The following GABRA4 variants were observed in gnomAD, a reference collection of about 807,000 sequenced individuals.
GABRA4 encodes gamma-aminobutyric acid type A receptor subunit alpha4.
A neutral mutation model predicts 49.7 loss-of-function variants in GABRA4; 12 were observed. The ratio of observed to expected loss-of-function variants is 0.24; its 90% CI spans 0.15 to 0.39. The LOEUF is 0.39. GABRA4 is among the 10% of genes least tolerant of loss of function. The pLI is 1.00. For synonymous variants in GABRA4, 288 were observed against 240.2 expected, an observed-to-expected ratio of 1.20 and a Z score of -1.84; for missense variants, 506 against 686.0, an observed-to-expected ratio of 0.74 and a Z score of 2.93.
rs1052852422 is a variant in GABRA4 at position 46,927,991 on chromosome 4, G to A, written c.*234C>T. The A allele has an allele frequency of 1.0e-5, 4 of 389,274 alleles. No homozygotes were observed. Among genetic ancestry groups the A allele is most frequent in the Admixed American group, 4.2e-5 (1 of 23,762 alleles). The allele number at this position is 389,274 out of a possible 1,614,324, so 24.1% of individuals were successfully genotyped here. A position where few individuals can be genotyped will look rare whatever the true frequency, so the allele number is the denominator to read the frequency against. ...TTATCCCAACTTTCCAGGATGGTGT[G>A]TATTCTATCTAACTGAATGCTGAGT... On this transcript the variant is annotated 3_prime_UTR_variant, in exon 9 of 9. Coordinates refer to ENST00000264318, the MANE Select transcript of GABRA4 (RefSeq NM_000809.4).
intron 8 of GABRA4, among the ~76,000 whole-genome samples, chr4:46,960,421 T>C (rs1257326472): frequency 1.3e-5 from 2 of 151,798 alleles, no homozygotes; most frequent in African/African-American, 2.4e-5. Context: ...ATATTTTAAG[T>C]AAAATTGTTT....
intron 8 of GABRA4, among the ~76,000 whole-genome samples, chr4:46,931,106 T>C (rs67128139): frequency 0.24 from 36,901 of 151,796 alleles, 4,686 homozygotes; most frequent in East Asian, 0.29. Context: ...CCCCATTGAG[T>C]ATTTTACTAA....
chr4:46,976,985 A>G (rs1723159278), intron 5 of GABRA4, 76 bp downstream of exon 5: 5 of 836,100 alleles, frequency 6.0e-6, no homozygotes, highest in Non-Finnish European at 9.8e-6. Context: ...TGGATTATGA[A>G]AAATAAAATA....
At chr4:46,938,551 G>C (rs1006080820) in intron 8 of GABRA4, among the ~76,000 whole-genome samples, 1 of 152,082 alleles carries the variant, frequency 6.6e-6, no homozygotes, top group African/African-American at 2.4e-5. Flanking sequence ...GCTATGCAAG[G>C]TGAGGAAGTC....
chr4:46,988,668 T>C (rs1437114445), intron 2 of GABRA4, among the ~76,000 whole-genome samples: 15 of 152,214 alleles, frequency 9.9e-5, no homozygotes, highest in Non-Finnish European at 2.1e-4. Flanking sequence ...TTGTTAAAGC[T>C]TTAGAACAAA....
intron 8 of GABRA4, among the ~76,000 whole-genome samples, chr4:46,955,844 T>TA (rs1396216405): frequency 6.6e-6 from 1 of 152,104 alleles, no homozygotes; most frequent in East Asian, 1.9e-4. Context: ...TTTTATATAG[T>TA]AAATACAGCC....
intron 7 of GABRA4, among the ~76,000 whole-genome samples, chr4:46,965,634 G>A (rs1249219176): frequency 1.3e-5 from 2 of 151,712 alleles, no homozygotes; most frequent in Non-Finnish European, 2.9e-5. Context: ...CTCAGGAAGA[G>A]TAACTCACTG....
chr4:46,947,180 C>A (rs936279875), intron 8 of GABRA4, among the ~76,000 whole-genome samples: 3 of 151,914 alleles, frequency 2.0e-5, no homozygotes, highest in Admixed American at 2.0e-4. Flanking sequence ...CTTTATCTAG[C>A]TTTTTAAGAT....
chr4:46,931,298 T>G (rs921606188), intron 8 of GABRA4, among the ~76,000 whole-genome samples: 1 of 152,146 alleles, frequency 6.6e-6, no homozygotes. Context: ...AGTTCCTGTC[T>G]TAATAGTATA....
chr4:46,967,306 A>G (rs188201304), intron 7 of GABRA4, among the ~76,000 whole-genome samples: 46 of 151,602 alleles, frequency 3.0e-4, no homozygotes, highest in Non-Finnish European at 1.8e-4. Context: ...CAAAAAGGAT[A>G]CCCAAATTCA....
At chr4:46,952,411 TC>T in intron 8 of GABRA4, among the ~76,000 whole-genome samples, 1 of 152,228 alleles carries the variant, frequency 6.6e-6, no homozygotes, top group East Asian at 1.9e-4. Context: ...GTGAAAAGTG[TC>T]CTCTTTCTAA....
At position 46,924,345 on chromosome 4, in the gene GABRA4, T is replaced by C. The variant is rs1721135526; in HGVS notation, c.*3880A>G. ...ATTGAAGTTTTGATGTCCCCATATA[T>C]ATTTGTGCCTGAGATGAGTATCACT... On this transcript the variant is annotated 3_prime_UTR_variant, in exon 9 of 9. Coordinates refer to ENST00000264318, the MANE Select transcript of GABRA4 (RefSeq NM_000809.4). 6.6e-6 allele frequency: 1 copy of C among 152,170 alleles called. No individual in the cohort carries two copies. The highest frequency in any genetic ancestry group is 2.4e-5 in the African/African-American group (1 of 41,472). The allele number at this position is 152,170 out of a possible 1,614,324, so 9.4% of individuals were successfully genotyped here.
Position 46,941,567 on chromosome 4 carries a change from C to G in GABRA4, c.1135-12812G>C, listed in dbSNP as rs188338053. ...TATTCTAACTCAGATCTGTAGATGGCCCCTGTCAGGTAAAATATTACTATA... is the reference window on the plus strand; with the variant it reads ...TATTCTAACTCAGATCTGTAGATGGGCCCTGTCAGGTAAAATATTACTATA... On this transcript the variant is annotated intron_variant, in intron 8 of 8. Coordinates refer to ENST00000264318, the MANE Select transcript of GABRA4 (RefSeq NM_000809.4). Among the ~76,000 whole-genome samples, 3 of 152,164 alleles carry G rather than the reference C, an allele frequency of 2.0e-5. No individual in the cohort carries two copies. In the East Asian group the frequency reaches 5.8e-4, roughly 29 times the overall value.
At chr4:46,944,074 C>T (rs924625392) in intron 8 of GABRA4, among the ~76,000 whole-genome samples, 5 of 151,932 alleles carry the variant, frequency 3.3e-5, no homozygotes, top group Non-Finnish European at 5.9e-5. Flanking sequence ...ATCGGGACTA[C>T]GGTTAATCAT....
At chr4:46,950,716 A>AAAATAAATAAAT (rs57199994) in intron 8 of GABRA4, among the ~76,000 whole-genome samples, 2,274 of 140,304 alleles carry the variant, frequency 0.016, 58 homozygotes, top group Admixed American at 0.061. Context: ...ATTCTCTAAG[A>AAAATAAATAAAT]AAATAAATAA....
At chr4:46,961,567 C>T (rs915744275) in intron 8 of GABRA4, among the ~76,000 whole-genome samples, 3 of 151,802 alleles carry the variant, frequency 2.0e-5, no homozygotes, top group Non-Finnish European at 4.4e-5. Flanking sequence ...ACAAAGTTGG[C>T]ACAAATGTAT....
intron 8 of GABRA4, among the ~76,000 whole-genome samples, chr4:46,935,997 C>T (rs754212740): frequency 7.9e-5 from 12 of 152,038 alleles, no homozygotes; most frequent in Admixed American, 3.3e-4. Context: ...ATGCATAAGA[C>T]GTATGTCAAA....
At chr4:46,953,453 G>A (rs1315194868) in intron 8 of GABRA4, among the ~76,000 whole-genome samples, 1 of 152,188 alleles carries the variant, frequency 6.6e-6, no homozygotes, top group East Asian at 1.9e-4. Context: ...AATAAGTATT[G>A]TTAATTGAAT....
At position 46,925,422 on chromosome 4, in the gene GABRA4, C is replaced by T. The variant is rs1310816730; in HGVS notation, c.*2803G>A. 1 of 151,882 alleles carries T rather than the reference C, an allele frequency of 6.6e-6. No individual in the cohort carries two copies. Among genetic ancestry groups the T allele is most frequent in the Non-Finnish European group, 1.5e-5 (1 of 67,880 alleles). The allele number at this position is 151,882 out of a possible 1,614,324, so 9.4% of individuals were successfully genotyped here. On this transcript the variant is annotated 3_prime_UTR_variant, in exon 9 of 9. Coordinates refer to ENST00000264318, the MANE Select transcript of GABRA4 (RefSeq NM_000809.4). The stretch of plus-strand genomic sequence containing the variant: ...TAATTATGTAGCAGTTAGTGGCCAA[C>T]ATGGACTGCAGATACTAGGTCCTGA...
Sources: allele counts gnomAD v4.1 joint callset (sites outside exome capture counted in the v4.1 genomes callset), GRCh38; gene constraint gnomAD v4.1.1; transcripts MANE v1.5; gene names NCBI Gene and HGNC (gene_info 2026-07-23, HGNC 2026-07-21).